The following TBC1D4 variants were observed in gnomAD, a reference collection of about 807,000 sequenced individuals.
TBC1D4 encodes the protein TBC (Tre-2, BUB2, CDC16) domain-containing protein.
A neutral mutation model predicts 142.5 loss-of-function variants in TBC1D4; 121 were observed. That is an observed-to-expected ratio of 0.85 (90% CI 0.73 to 0.99). TBC1D4 has a LOEUF of 0.99. Ranked by LOEUF, TBC1D4 falls within the 50% of genes least tolerant of loss-of-function variation. TBC1D4 has a pLI of 0.00. For synonymous variants in TBC1D4, 630 were observed against 628.2 expected, an observed-to-expected ratio of 1.00 and a Z score of -0.04; for missense variants, 1,475 against 1,606.6, an observed-to-expected ratio of 0.92 and a Z score of 1.40.
intron 8 of TBC1D4, among the ~76,000 whole-genome samples, chr13:75,330,970 T>C (rs1427835711): frequency 6.6e-6 from 1 of 152,182 alleles, no homozygotes; most frequent in Non-Finnish European, 1.5e-5. Flanking sequence ...ACAGACAAAG[T>C]AGTCAGATGG....
chr13:75,396,785 G>C (rs989593247), intron 1 of TBC1D4, among the ~76,000 whole-genome samples: 16 of 152,064 alleles, frequency 1.1e-4, no homozygotes, highest in Non-Finnish European at 2.2e-4. Flanking sequence ...AGCATCCTTA[G>C]GGAACAACAT....
At position 75,362,010 on chromosome 13, in the gene TBC1D4, G is replaced by A. The variant is rs753020043; in HGVS notation, c.1080+16C>T. The A allele has an allele frequency of 1.2e-6, 2 of 1,613,980 alleles. No homozygotes were observed. The highest frequency in any genetic ancestry group is 1.7e-6 in the Non-Finnish European group (2 of 1,179,934). Reference sequence around the variant, plus strand: ...ACCTTTTGGGGCAAGGGCAGACAGCGTCCGATCAGGTGTACCTGGAAGAGC... The same window carrying A: ...ACCTTTTGGGGCAAGGGCAGACAGCATCCGATCAGGTGTACCTGGAAGAGC... On this transcript the variant is annotated intron_variant, in intron 2 of 20. Transcript: ENST00000377636. The surrounding 1 kb of genome is among the most constrained non-coding windows in gnomAD (Gnocchi z 4.2).
intron 4 of TBC1D4, among the ~76,000 whole-genome samples, chr13:75,355,861 T>G (rs1010800213): frequency 6.6e-6 from 1 of 152,192 alleles, no homozygotes; most frequent in African/African-American, 2.4e-5. Flanking sequence ...ATGAAAAAAG[T>G]AACAGCTTTT....
intron 1 of TBC1D4, among the ~76,000 whole-genome samples, chr13:75,477,916 T>C (rs888301668): frequency 9.2e-5 from 14 of 152,236 alleles, no homozygotes; most frequent in East Asian, 3.9e-4. Flanking sequence ...CAGATCTGCA[T>C]TGGCATACAT....
chr13:75,439,552 T>C (rs2076584080), intron 1 of TBC1D4, among the ~76,000 whole-genome samples: 1 of 152,230 alleles, frequency 6.6e-6, no homozygotes. Flanking sequence ...ACTCACTTAT[T>C]CTTGCTTAGA....
chr13:75,308,600 C>T (rs1877414776), intron 14 of TBC1D4, among the ~76,000 whole-genome samples: 2 of 152,176 alleles, frequency 1.3e-5, no homozygotes, highest in Admixed American at 6.5e-5. Flanking sequence ...TTTGTACATA[C>T]TCCCAAGTGA....
chr13:75,288,056 T>C (rs2137819844), intron 20 of TBC1D4, among the ~76,000 whole-genome samples: 1 of 152,330 alleles, frequency 6.6e-6, no homozygotes, highest in East Asian at 1.9e-4. Flanking sequence ...AATATGACTT[T>C]ATAATAAATT....
At chr13:75,456,009 T>C (rs1887721274) in intron 1 of TBC1D4, among the ~76,000 whole-genome samples, 2 of 152,064 alleles carry the variant, frequency 1.3e-5, no homozygotes, top group African/African-American at 4.8e-5. Flanking sequence ...CTTTTTTTTT[T>C]TCCTGGGGAC....
At chr13:75,393,557 A>C (rs1884607013) in intron 1 of TBC1D4, among the ~76,000 whole-genome samples, 2 of 152,318 alleles carry the variant, frequency 1.3e-5, no homozygotes, top group South Asian at 4.1e-4. Flanking sequence ...TTTCAGTGCA[A>C]CAATACAGCG....
intron 1 of TBC1D4, among the ~76,000 whole-genome samples, chr13:75,379,887 C>CTTTTTTTT (rs750734086): frequency 1.0e-5 from 1 of 98,606 alleles, no homozygotes; most frequent in African/African-American, 3.5e-5. Flanking sequence ...TCATCTGACT[C>CTTTTTTTT]TTTTTTTTTT....
intron 1 of TBC1D4, among the ~76,000 whole-genome samples, chr13:75,397,513 AT>A (rs1566458962): frequency 1.3e-5 from 2 of 152,348 alleles, no homozygotes; most frequent in African/African-American, 4.8e-5. Context: ...AAACAGTAAT[AT>A]AATTATATTG....
chr13:75,406,947 C>T (rs1404997055), intron 1 of TBC1D4, among the ~76,000 whole-genome samples: 1 of 152,290 alleles, frequency 6.6e-6, no homozygotes, highest in South Asian at 2.1e-4. Context: ...CTGATCAACA[C>T]CCTAGTATTC....
intron 1 of TBC1D4, among the ~76,000 whole-genome samples, chr13:75,366,139 A>T (rs1370883112): frequency 6.6e-6 from 1 of 152,214 alleles, no homozygotes; most frequent in East Asian, 1.9e-4. Context: ...ACAGAGCCTA[A>T]TGACGATTTA....
intron 1 of TBC1D4, among the ~76,000 whole-genome samples, chr13:75,393,829 G>C (rs1204010328): frequency 1.3e-5 from 2 of 151,776 alleles, no homozygotes; most frequent in Non-Finnish European, 2.9e-5. Flanking sequence ...TACTCTGGAG[G>C]CTGAGGCAGG....
At chr13:75,422,398 A>G (rs1886207630) in intron 1 of TBC1D4, among the ~76,000 whole-genome samples, 1 of 152,222 alleles carries the variant, frequency 6.6e-6, no homozygotes, top group Non-Finnish European at 1.5e-5. Flanking sequence ...AAGTTCATTT[A>G]TCTCCATCAT....
intron 15 of TBC1D4, chr13:75,302,604 C>A (rs527261075): frequency 4.5e-5 from 28 of 620,112 alleles, no homozygotes; most frequent in Non-Finnish European, 6.8e-5. Flanking sequence ...AAAACCCTCA[C>A]GCAACACTTA....
At position 75,404,938 on chromosome 13, in the gene TBC1D4, G is replaced by A. The variant is rs546368219; in HGVS notation, c.499-42331C>T. 1.6e-3 allele frequency among the ~76,000 whole-genome samples: 251 copies of A among 152,230 alleles called. 1 individual carries two copies. Among genetic ancestry groups the A allele is most frequent in the Admixed American group, 2.4e-3 (36 of 15,298 alleles). On this transcript the variant is annotated intron_variant, in intron 1 of 20. Transcript: ENST00000377636. ...CTTATCCTCTATGACACCAGCAGCC[G>A]TGCAATTGATTTGACAGCTGTTAAA...
At chr13:75,466,377 T>C (rs1888167228) in intron 1 of TBC1D4, among the ~76,000 whole-genome samples, 1 of 152,118 alleles carries the variant, frequency 6.6e-6, no homozygotes, top group African/African-American at 2.4e-5. Flanking sequence ...AACATTTTGT[T>C]CATTGACAGC....
At chr13:75,307,550 T>G (rs1431491100) in intron 14 of TBC1D4, among the ~76,000 whole-genome samples, 2 of 152,340 alleles carry the variant, frequency 1.3e-5, no homozygotes, top group South Asian at 2.1e-4. Flanking sequence ...TATTCATGCA[T>G]GCTCACAGCG....
Sources: gnomAD v4.1 joint callset for allele counts (sites outside exome capture counted in the v4.1 genomes callset) on GRCh38, gnomAD v4.1.1 for gene constraint, Gnocchi (gnomAD v3.1) non-coding constraint, MANE v1.5 for transcripts, NCBI Gene and HGNC (gene_info 2026-07-23, HGNC 2026-07-21) for gene names.